PIAS4: variants seen among roughly 807,000 people sequenced by gnomAD.
PIAS4 encodes E3 SUMO-protein ligase PIAS4.
PIAS4 carries 7 observed loss-of-function variants against 58.0 expected under a neutral mutation model. That is an observed-to-expected ratio of 0.12 (90% confidence interval 0.07 to 0.23). The LOEUF (loss-of-function observed/expected upper bound fraction) is 0.23, where lower values mean the gene tolerates loss of function less well. PIAS4 is among the 10% of genes least tolerant of loss of function. PIAS4 has a pLI of 1.00. For synonymous variants in PIAS4, 364 were observed against 312.4 expected (o/e 1.17, Z -1.74); for missense variants, 550 against 709.5 (o/e 0.78, Z 2.55).
At chr19:4,017,546 A>G (rs1480418064) in intron 2 of PIAS4, among the ~76,000 whole-genome samples, 3 of 152,070 alleles carry the variant, frequency 2.0e-5, no homozygotes, top group South Asian at 2.1e-4. Context: ...GGGTTGGGGA[A>G]TCAGTGCTGG....
intron 9 of PIAS4, among the ~76,000 whole-genome samples, chr19:4,036,771 G>A (rs918431881): frequency 5.4e-5 from 7 of 130,620 alleles, no homozygotes; most frequent in South Asian, 2.4e-4. Flanking sequence ...GGTCTACACC[G>A]TCACACACAC....
At position 4,037,843 on chromosome 19, in the gene PIAS4, C is replaced by G; in HGVS notation, c.1501C>G (p.Pro501Ala). 1 of 1,568,234 alleles carries G rather than the reference C, an allele frequency of 6.4e-7. No homozygotes were observed. Among genetic ancestry groups the G allele is most frequent in the Non-Finnish European group, 8.6e-7 (1 of 1,158,876 alleles). ...GGGGCCCCGGCCCAAGCGCCGCTGC[C>G]CCTTCCAGAAGGGCCTGGTGCCGGC... ...EEGPRPKRRC[P>A]FQKGLVPAC is the part of the protein sequence containing the mutation. The change falls in exon 11 of 11, where the codon CCC becomes GCC. Residue 501 changes from proline to alanine, a missense_variant. Physicochemically the swap from Pro to Ala is conservative, Grantham distance 27 (BLOSUM62 -1). Around this residue, in one of 4 missense-constraint regions of PIAS4, gnomAD observed 188 missense variants for 192.0 expected, o/e 0.98. Coordinates refer to ENST00000262971, the MANE Select transcript of PIAS4 (RefSeq NM_015897.4). This position sits in a 1 kb window ranked among gnomAD's most constrained non-coding sequence, Gnocchi z 5.8.
At chr19:4,009,573 C>G (rs917498664) in intron 1 of PIAS4, among the ~76,000 whole-genome samples, 1 of 151,780 alleles carries the variant, frequency 6.6e-6, no homozygotes, top group African/African-American at 2.4e-5. Flanking sequence ...GGCCCCCCCC[C>G]ACCCCAATTA....
At chr19:4,019,061 C>T (rs1463185648) in intron 2 of PIAS4, among the ~76,000 whole-genome samples, 14 of 152,062 alleles carry the variant, frequency 9.2e-5, no homozygotes, top group Non-Finnish European at 1.6e-4. Context: ...TGGGGGCAGT[C>T]GTCTGCACCG....
chr19:4,022,558 G>C (rs2040120693), intron 2 of PIAS4, among the ~76,000 whole-genome samples: 1 of 151,698 alleles, frequency 6.6e-6, no homozygotes, highest in Admixed American at 6.6e-5. Context: ...AGTAGAGATG[G>C]GGTTTCACCG....
chr19:4,032,955 C>T (rs1011819948), intron 7 of PIAS4, 145 bp from the exon 8 acceptor site: 37 of 657,552 alleles, frequency 5.6e-5, no homozygotes, highest in Non-Finnish European at 6.1e-5. Flanking sequence ...TCCCTCACGG[C>T]CCCGAGCCAC....
At chr19:4,034,201 C>T (rs975343840) in intron 9 of PIAS4, among the ~76,000 whole-genome samples, 1 of 152,150 alleles carries the variant, frequency 6.6e-6, no homozygotes, top group Non-Finnish European at 1.5e-5. Context: ...TCCCCAGAGC[C>T]GCCGGCAGGG....
rs1230915358 is a variant in PIAS4 at position 4,033,422 on chromosome 19, G to A, written c.984G>A (p.Leu328=). Reference sequence around the variant, plus strand: ...CTCACGCAGCCCCTCCCCCACAGCTGGTGAAGATGCGGCTCTCCGTGCCCT... The same window carrying A: ...CTCACGCAGCCCCTCCCCCACAGCTAGTGAAGATGCGGCTCTCCGTGCCCT... ...TGVRVSLICP[L]VKMRLSVPCR... is the part of the protein sequence containing the mutation. The change falls in exon 9 of 11, where the codon CTG becomes CTA. Residue 328 remains leucine, a splice_region_variant and synonymous_variant. Transcript: ENST00000262971. The A allele has an allele frequency of 1.9e-6, 3 of 1,552,016 alleles. No homozygotes were observed. Among genetic ancestry groups the A allele is most frequent in the African/African-American group, 1.4e-5 (1 of 73,444 alleles).
At chr19:4,031,189 C>T (rs1167798170) in intron 7 of PIAS4, among the ~76,000 whole-genome samples, 1 of 152,192 alleles carries the variant, frequency 6.6e-6, no homozygotes, top group Non-Finnish European at 1.5e-5. Context: ...TGTTCCTGAC[C>T]ACCAAAGGGC....
intron 1 of PIAS4, among the ~76,000 whole-genome samples, chr19:4,009,765 A>T (rs2144901787): frequency 6.6e-6 from 1 of 152,090 alleles, no homozygotes; most frequent in South Asian, 2.1e-4. Flanking sequence ...ATGGCTGCAG[A>T]TTCTGTCTTT....
Position 4,037,718 on chromosome 19 carries a change from G to C in PIAS4, c.1376G>C (p.Gly459Ala). The part of the protein sequence containing the change: ...GGGPVGSMEN[G>A]KPGADVVDLT... ...GGCCCGGTGGGCAGCATGGAGAATGGGAAGCCGGGCGCCGATGTGGTGGAC... is the reference window on the plus strand; with the variant it reads ...GGCCCGGTGGGCAGCATGGAGAATGCGAAGCCGGGCGCCGATGTGGTGGAC... The change falls in exon 11 of 11, where the codon GGG becomes GCG. Residue 459 changes from glycine (G) to alanine (A), a missense_variant. Transcript: ENST00000262971. The surrounding 1 kb of genome is among the most constrained non-coding windows in gnomAD (Gnocchi z 5.8). The C allele has an allele frequency of 4.3e-6, 7 of 1,611,782 alleles. No homozygotes were observed. Among genetic ancestry groups the C allele is most frequent in the Non-Finnish European group, 5.9e-6 (7 of 1,179,540 alleles).
intron 8 of PIAS4, 105 bp downstream of exon 8, chr19:4,033,278 G>A: frequency 7.3e-7 from 1 of 1,361,224 alleles, no homozygotes; most frequent in South Asian, 1.2e-5. Context: ...AGCCTGCGGG[G>A]GCGAGGCTGG....
chr19:4,025,194 C>T (rs991792560), intron 3 of PIAS4, among the ~76,000 whole-genome samples: 2 of 152,234 alleles, frequency 1.3e-5, no homozygotes, highest in African/African-American at 4.8e-5. Context: ...CATCCCTGGC[C>T]TCCACCTGCT....
intron 2 of PIAS4, among the ~76,000 whole-genome samples, chr19:4,021,007 G>A (rs1319547349): frequency 6.6e-6 from 1 of 152,202 alleles, no homozygotes; most frequent in Non-Finnish European, 1.5e-5. Flanking sequence ...CTTTATAAGG[G>A]TAGTTTCCCA....
At position 4,037,282 on chromosome 19, in the gene PIAS4, G is replaced by A; in HGVS notation, c.1143-92G>A. 6.8e-7 allele frequency: 1 copy of A among 1,473,654 alleles called. No individual in the cohort carries two copies. The highest frequency in any genetic ancestry group is 1.3e-5 in the South Asian group (1 of 77,832). 91.3% of individuals were successfully genotyped at this position (1,473,654 alleles called of 1,614,324 possible). A position where few individuals can be genotyped will look rare whatever the true frequency, so the allele number is the denominator to read the frequency against. Reference sequence around the variant, plus strand: ...CTGCTCTTGCAGAGAGAAGTGGGGAGTGCCTGGCTGCATCCGGGAGGGATG... The same window carrying A: ...CTGCTCTTGCAGAGAGAAGTGGGGAATGCCTGGCTGCATCCGGGAGGGATG... On this transcript the variant is annotated intron_variant, in intron 9 of 10. Transcript: ENST00000262971. This position sits in a 1 kb window ranked among gnomAD's most constrained non-coding sequence, Gnocchi z 5.8.
rs2040309216 is a variant in PIAS4 at position 4,037,330 on chromosome 19, T to TGGGGGGGGGGGGGTTGTGGGGGGGGG, written c.1143-40_1143-39insGGGGGGGGGTTGTGGGGGGGGGGGGG. The TGGGGGGGGGGGGGTTGTGGGGGGGGG allele has an allele frequency of 1.0e-6, 1 of 957,578 alleles. No individual in the cohort carries two copies. The highest frequency in any genetic ancestry group is 1.5e-6 in the Non-Finnish European group (1 of 667,650). The allele number at this position is 957,578 out of a possible 1,614,324, so 59.3% of individuals were successfully genotyped here. On this transcript the variant is annotated intron_variant, in intron 9 of 10. Transcript: ENST00000262971. The surrounding 1 kb of genome is among the most constrained non-coding windows in gnomAD (Gnocchi z 5.8). ...ATGGAGGGCTGGGGAGTTGGGGGGG[T>TGGGGGGGGGGGGGTTGTGGGGGGGGG]GGGGCACCTCCAGCCCCGGCGTCAG...
chr19:4,029,727 C>T (rs1464145927), intron 7 of PIAS4, among the ~76,000 whole-genome samples: 3 of 151,042 alleles, frequency 2.0e-5, no homozygotes, highest in Non-Finnish European at 2.9e-5. Context: ...CTCACTGTAG[C>T]CTCTAACTCG....
At chr19:4,025,933 G>A (rs192534464) in intron 3 of PIAS4, among the ~76,000 whole-genome samples, 4 of 151,710 alleles carry the variant, frequency 2.6e-5, no homozygotes, top group African/African-American at 9.7e-5. Flanking sequence ...AATTAGCCGG[G>A]TGTGGTGACG....
intron 4 of PIAS4, 30 bp downstream of exon 4, chr19:4,028,217 G>T (rs1257430129): frequency 1.9e-6 from 3 of 1,602,330 alleles, no homozygotes; most frequent in African/African-American, 2.7e-5. Context: ...CGACCCCAGG[G>T]CTGGACCCCC....
Sources: gnomAD v4.1 joint callset for allele counts (sites outside exome capture counted in the v4.1 genomes callset) on GRCh38, gnomAD v4.1.1 for gene constraint, gnomAD v4.1.1 regional missense constraint, Gnocchi (gnomAD v3.1) non-coding constraint, MANE v1.5 for transcripts, NCBI Gene and HGNC (gene_info 2026-07-23, HGNC 2026-07-21) for gene names.